The following C3orf52 variants were observed in gnomAD, a reference collection of about 807,000 sequenced individuals.
C3orf52 encodes chromosome 3 open reading frame 52, also known as TPA-induced transmembrane protein.
C3orf52 carries 22 observed loss-of-function variants against 24.8 expected under a neutral mutation model. That is an observed-to-expected ratio of 0.89 (90% CI 0.63 to 1.27). The LOEUF is 1.27. Ranked by LOEUF, C3orf52 falls within the 50% of genes most tolerant of loss-of-function variation. The pLI, the probability that C3orf52 is intolerant of heterozygous loss-of-function variation, is 0.00. For missense variants in C3orf52, 265 were observed against 260.7 expected, an observed-to-expected ratio of 1.02 and a Z score of -0.11; for synonymous variants, 93 against 100.2, an observed-to-expected ratio of 0.93 and a Z score of 0.43.
chr3:112,112,703 C>G lies in C3orf52; in HGVS notation c.468-261C>G, dbSNP rs2074095385. 3 of 461,620 alleles carry G rather than the reference C, an allele frequency of 6.5e-6. No homozygotes were observed. The Admixed American group carries it at 1.0e-4, about 16-fold the overall frequency. The allele number at this position is 461,620 out of a possible 1,614,324, so 28.6% of individuals were successfully genotyped here. ...TGGAGATGGGCACCTCTACCTCTACCTCTGATGGCCTCTCCCAGTGGATTC... is the reference window on the plus strand; with the variant it reads ...TGGAGATGGGCACCTCTACCTCTACGTCTGATGGCCTCTCCCAGTGGATTC... On this transcript the variant is annotated intron_variant, in intron 4 of 5. Transcript: ENST00000264848.
At chr3:112,131,303 C>CTG (rs1192452144), downstream of C3orf52, among the ~76,000 whole-genome samples, 14 of 152,152 alleles carry the variant, frequency 9.2e-5, no homozygotes, top group African/African-American at 3.4e-4. Context: ...GAGCTCCTCT[C>CTG]ATGAAGGGAT....
chr3:112,123,832 C>T (rs2074250490), intron 4 of C3orf52: 1 of 1,537,560 alleles, frequency 6.5e-7, no homozygotes, highest in South Asian at 1.2e-5. Context: ...CTTTACATTT[C>T]AGTCTCAACA....
chr3:112,125,118 C>G, intron 4 of C3orf52: 1 of 763,812 alleles, frequency 1.3e-6, no homozygotes. Flanking sequence ...TAAAGTCTTT[C>G]TCCATGTAAG....
intron 5 of C3orf52, among the ~76,000 whole-genome samples, chr3:112,116,384 A>T (rs1356506951): frequency 6.6e-6 from 1 of 152,234 alleles, no homozygotes; most frequent in East Asian, 1.9e-4. Context: ...CAAAAACCAC[A>T]TCATCAAAAT....
In C3orf52 at chr3:112,116,816, C is replaced by A; in HGVS notation, c.*170C>A. ...CCGATTCTACAGTCTGGCTCTAAGC[C>A]CAGTAAAACAGCTCCCGAGCACTGC... On this transcript the variant is annotated 3_prime_UTR_variant, in exon 6 of 6. Transcript: ENST00000264848. 6.5e-7 allele frequency: 1 copy of A among 1,538,922 alleles called. No individual in the cohort carries two copies. Among genetic ancestry groups the A allele is most frequent in the Non-Finnish European group, 8.7e-7 (1 of 1,146,928 alleles).
chr3:112,092,096 G>A (rs1452621029), intron 1 of C3orf52, among the ~76,000 whole-genome samples: 6 of 152,220 alleles, frequency 3.9e-5, no homozygotes, highest in Non-Finnish European at 8.8e-5. Context: ...AGTGCCGGCT[G>A]CTGCTTTGTG....
At position 112,127,996 on chromosome 3, in the gene C3orf52, T is replaced by C. The variant is rs764082313; in HGVS notation, c.*47-237T>C. 59 of 1,610,010 alleles carry C rather than the reference T, an allele frequency of 3.7e-5. No individual in the cohort carries two copies. The East Asian group carries it at 1.2e-3, about 33-fold the overall frequency. ...AAACCACACTTAGGGAAATAACTCC[T>C]AAAAACAACTGTCCACTCACCATGG... On this transcript the variant is annotated intron_variant, in intron 4 of 4. Transcript: ENST00000480282.
downstream of C3orf52, chr3:112,119,671 T>G (rs985893858): frequency 8.4e-6 from 5 of 595,298 alleles, no homozygotes; most frequent in African/African-American, 1.9e-5. Context: ...CTCAATGTCC[T>G]CCTTCTCCTC....
At chr3:112,108,404 G>A (rs1228075480) in intron 3 of C3orf52, among the ~76,000 whole-genome samples, 1 of 152,176 alleles carries the variant, frequency 6.6e-6, no homozygotes, top group Non-Finnish European at 1.5e-5. Context: ...GGAGGGGTGG[G>A]AAAGGGAGAA....
At position 112,116,924 on chromosome 3, in the gene C3orf52, A is replaced by T; in HGVS notation, c.*278A>T. 1.3e-6 allele frequency: 2 copies of T among 1,536,502 alleles called. No individual in the cohort carries two copies. Among genetic ancestry groups the T allele is most frequent in the Non-Finnish European group, 1.7e-6 (2 of 1,146,388 alleles). Reference sequence around the variant, plus strand: ...GTCAGCGGGTATGTCCCACTGTTGGAGGTCACTGGTATTCTGTTTGTTTTT... The same window carrying T: ...GTCAGCGGGTATGTCCCACTGTTGGTGGTCACTGGTATTCTGTTTGTTTTT... On this transcript the variant is annotated 3_prime_UTR_variant, in exon 6 of 6. Transcript: ENST00000264848.
At chr3:112,131,270 G>A (rs1387846295), downstream of C3orf52, among the ~76,000 whole-genome samples, 1 of 152,108 alleles carries the variant, frequency 6.6e-6, no homozygotes, top group African/African-American at 2.4e-5. Context: ...GTTTGCTGCT[G>A]GCAGGTCTCT....
intron 5 of C3orf52, among the ~76,000 whole-genome samples, chr3:112,114,807 A>G (rs1354159566): frequency 6.6e-6 from 1 of 152,182 alleles, no homozygotes; most frequent in East Asian, 1.9e-4. Context: ...TGATTTTCTT[A>G]GGCCCCTTGC....
intron 4 of C3orf52, 104 bp downstream of exon 4, chr3:112,109,717 AT>A: frequency 1.4e-6 from 1 of 693,562 alleles, no homozygotes; most frequent in Non-Finnish European, 2.6e-6. Flanking sequence ...GCCTCAGAGC[AT>A]GAAGGGAACC....
At chr3:112,130,201 CA>C (rs1559987101), downstream of C3orf52, 3 of 526,112 alleles carry the variant, frequency 5.7e-6, no homozygotes, top group Non-Finnish European at 1.0e-5. Context: ...CAGGGCATAA[CA>C]GGGACTAGCA....
chr3:112,099,546 C>G (rs996815117), intron 2 of C3orf52, among the ~76,000 whole-genome samples: 2 of 152,170 alleles, frequency 1.3e-5, no homozygotes, highest in African/African-American at 4.8e-5. Context: ...CTAATACATG[C>G]TAATTCATTG....
At chr3:112,125,772 C>G (rs146315088) in intron 4 of C3orf52, among the ~76,000 whole-genome samples, 27 of 152,320 alleles carry the variant, frequency 1.8e-4, no homozygotes, top group African/African-American at 4.6e-4. Context: ...AATTGGTGTT[C>G]AAGGAGTTTT....
chr3:112,100,648 A>C (rs2073964484), intron 2 of C3orf52, among the ~76,000 whole-genome samples: 1 of 152,162 alleles, frequency 6.6e-6, no homozygotes, highest in South Asian at 2.1e-4. Flanking sequence ...TTGTTTTCTG[A>C]GGCATTGATA....
At chr3:112,103,987 A>C (rs770120032) in intron 3 of C3orf52, among the ~76,000 whole-genome samples, 23 of 152,238 alleles carry the variant, frequency 1.5e-4, no homozygotes, top group Non-Finnish European at 2.8e-4. Flanking sequence ...GGAGAAAGCC[A>C]GGAGGAAGAG....
chr3:112,089,041 C>A (rs548383445), intron 1 of C3orf52, among the ~76,000 whole-genome samples: 1 of 152,282 alleles, frequency 6.6e-6, no homozygotes, highest in Non-Finnish European at 1.5e-5. Flanking sequence ...TGCCTGCTGT[C>A]ACTGTAAACA....
Sources: allele counts gnomAD v4.1 joint callset (sites outside exome capture counted in the v4.1 genomes callset), GRCh38; gene constraint gnomAD v4.1.1; transcripts MANE v1.5; gene names NCBI Gene and HGNC (gene_info 2026-07-23, HGNC 2026-07-21).